Variants in RIOK3 observed in about 807,000 individuals in gnomAD.
The protein encoded by RIOK3 is RIO kinase 3.
A neutral mutation model predicts 63.5 loss-of-function variants in RIOK3; 40 were observed. That is an observed-to-expected ratio of 0.63 (90% CI 0.49 to 0.82). RIOK3 has a LOEUF of 0.82. Among genes scored for constraint, RIOK3 ranks in the 40% least tolerant of loss-of-function variants. RIOK3 has a pLI of 0.00. For synonymous variants in RIOK3, 193 were observed against 205.0 expected (o/e 0.94, Z 0.50); for missense variants, 557 against 637.0 (o/e 0.87, Z 1.35).
At chr18:23,465,587 A>G (rs184210564) in intron 5 of RIOK3, among the ~76,000 whole-genome samples, 135 of 152,112 alleles carry the variant, frequency 8.9e-4, no homozygotes, top group African/African-American at 3.1e-3. Flanking sequence ...GCTGTTCAAT[A>G]TGGTAGCCAC....
Position 23,473,557 on chromosome 18 carries a change from G to C in RIOK3, c.944G>C (p.Arg315Pro). ...AAAGATGATTTCAGGTTTAAAGATC[G>C]CTTCAGTAAACTAAATCCACGTAAG... ...YIKDDFRFKD[R>P]FSKLNPRKII... The change falls in exon 8 of 13, where the codon CGC becomes CCC. Residue 315 changes from arginine (R) to proline (P), a missense_variant. By Grantham distance (103) the Arg-to-Pro change is moderately radical (BLOSUM62 -2). Transcript: ENST00000339486. The C allele has an allele frequency of 1.2e-6, 2 of 1,613,392 alleles. No homozygotes were observed. The highest frequency in any genetic ancestry group is 8.5e-7 in the Non-Finnish European group (1 of 1,179,568).
intron 1 of RIOK3, among the ~76,000 whole-genome samples, chr18:23,457,222 A>G (rs778957955): frequency 6.6e-6 from 1 of 152,196 alleles, no homozygotes; most frequent in Non-Finnish European, 1.5e-5. Flanking sequence ...ATGGACAAAG[A>G]ATTTTAGGGG....
chr18:23,479,562 T>G lies in RIOK3; in HGVS notation c.1452+138T>G. On this transcript the variant is annotated intron_variant, in intron 12 of 12. Transcript: ENST00000339486. ...TTGAGATTTTTCTTTTCTTAAGATG[T>G]TTTTGGTTTTTTCTTTTTTTCTTTT... is the stretch of plus-strand genomic sequence containing the variant. The G allele has an allele frequency of 1.0e-5, 6 of 577,230 alleles. No homozygotes were observed. The East Asian group carries it at 1.7e-4, about 17-fold the overall frequency. The allele number at this position is 577,230 out of a possible 1,614,324, so 35.8% of individuals were successfully genotyped here.
chr18:23,460,722 A>G (rs1037363059), intron 1 of RIOK3, among the ~76,000 whole-genome samples: 4 of 152,212 alleles, frequency 2.6e-5, no homozygotes, highest in Admixed American at 2.0e-4. Context: ...TTTCTAGGCT[A>G]AACAGCATTG....
chr18:23,464,741 G>A (rs1157364729), intron 5 of RIOK3, 113 bp downstream of exon 5: 7 of 527,496 alleles, frequency 1.3e-5, no homozygotes, highest in Non-Finnish European at 1.9e-5. Context: ...TCTTTCTAAA[G>A]ATGTTTTTAG....
rs563774901 is a variant in RIOK3, at chr18:23,458,280, G to A, written c.64-4684G>A. Among the ~76,000 whole-genome samples the A allele has an allele frequency of 3.3e-5, 5 of 152,092 alleles. No homozygotes were observed. In the East Asian group the frequency reaches 9.7e-4, roughly 29 times the overall value. ...CTTTAAAAAAAATGATACAAGCAGCGAAGGTCATATCTTTAGGAAGTGGAA... is the reference window on the plus strand; with the variant it reads ...CTTTAAAAAAAATGATACAAGCAGCAAAGGTCATATCTTTAGGAAGTGGAA... On this transcript the variant is annotated intron_variant, in intron 1 of 12. Coordinates refer to ENST00000339486, the MANE Select transcript of RIOK3 (RefSeq NM_003831.5).
chr18:23,481,329 C>G lies in RIOK3; in HGVS notation c.*50C>G, dbSNP rs2057533087. 1 of 1,157,360 alleles carries G rather than the reference C, an allele frequency of 8.6e-7. No homozygotes were observed. The highest frequency in any genetic ancestry group is 1.6e-5 in the African/African-American group (1 of 62,672). 71.7% of individuals were successfully genotyped at this position (1,157,360 alleles called of 1,614,324 possible). A position where few individuals can be genotyped will look rare whatever the true frequency, so the allele number is the denominator to read the frequency against. On this transcript the variant is annotated 3_prime_UTR_variant, in exon 13 of 13. Coordinates refer to ENST00000339486, the MANE Select transcript of RIOK3 (RefSeq NM_003831.5). Reference sequence around the variant, plus strand: ...TAACACAGCAGTGATTGTCAGCTGCCAATAGCAAATGAAGTTATGGGTGAC... The same window carrying G: ...TAACACAGCAGTGATTGTCAGCTGCGAATAGCAAATGAAGTTATGGGTGAC...
chr18:23,462,711 C>CCCCTCAGCTTT, intron 1 of RIOK3, among the ~76,000 whole-genome samples: 1 of 152,316 alleles, frequency 6.6e-6, no homozygotes, highest in Non-Finnish European at 1.5e-5. Context: ...CCTGATGCTT[C>CCCCTCAGCTTT]CCCTCAGCTT....
intron 6 of RIOK3, among the ~76,000 whole-genome samples, 155 bp downstream of exon 6, chr18:23,466,431 G>A (rs561755409): frequency 5.3e-5 from 8 of 152,046 alleles, no homozygotes; most frequent in East Asian, 1.9e-4. Context: ...TGTGGTGCCC[G>A]CCTGTAATCC....
Position 23,481,747 on chromosome 18 carries a change from CTG to C in RIOK3, c.*471_*472del. The stretch of plus-strand genomic sequence containing the variant: ...AGCCTTTCTCAATTATGTTTCCAGA[CTG>C]TGGCCGTGATTCTAAAGGAAAATGT... On this transcript the variant is annotated 3_prime_UTR_variant, in exon 13 of 13. Transcript: ENST00000339486. 6.6e-6 allele frequency: 1 copy of C among 152,576 alleles called. No homozygotes were observed. Among genetic ancestry groups the C allele is most frequent in the South Asian group, 2.1e-4 (1 of 4,832 alleles). The allele number at this position is 152,576 out of a possible 1,614,324, so 9.5% of individuals were successfully genotyped here.
intron 5 of RIOK3, 34 bp downstream of exon 5, chr18:23,464,662 G>A (rs751457911): frequency 2.3e-5 from 31 of 1,332,824 alleles, no homozygotes; most frequent in Non-Finnish European, 3.1e-5. Flanking sequence ...TCTGAATTTA[G>A]AGTTTTGTTT....
chr18:23,456,812 C>T (rs914506296), intron 1 of RIOK3, among the ~76,000 whole-genome samples: 2 of 152,024 alleles, frequency 1.3e-5, no homozygotes, highest in African/African-American at 4.8e-5. Flanking sequence ...TTTCATTCAA[C>T]CTGTTGTAAG....
rs972594738 is a variant in RIOK3, at chr18:23,467,315, A to G, written c.688-84A>G. 5 of 680,428 alleles carry G rather than the reference A, an allele frequency of 7.3e-6. No individual in the cohort carries two copies. The African/African-American group carries it at 7.9e-5, about 11-fold the overall frequency. 42.1% of individuals were successfully genotyped at this position (680,428 alleles called of 1,614,324 possible). On this transcript the variant is annotated intron_variant, in intron 6 of 12. Coordinates refer to ENST00000339486, the MANE Select transcript of RIOK3 (RefSeq NM_003831.5). The stretch of plus-strand genomic sequence containing the variant: ...GGTGACAAGAGCAAGACTCCGTCTC[A>G]AAAAAAAAAAGTTATTAGAAGTGGC...
At position 23,464,253 on chromosome 18, in the gene RIOK3, A is replaced by G. The variant is rs764111393; in HGVS notation, c.373A>G (p.Ser125Gly). 2.8e-5 allele frequency: 45 copies of G among 1,614,186 alleles called. No individual in the cohort carries two copies. Among genetic ancestry groups the G allele is most frequent in the Non-Finnish European group, 3.6e-5 (43 of 1,180,010 alleles). Residue 125 changes from serine (S) to glycine (G), a missense_variant, in exon 4 of 13, where the codon AGC becomes GGC. By Grantham distance (56) the Ser-to-Gly change is moderately conservative. Transcript: ENST00000339486. ...NYRKVHPYED[S>G]DSSEDEVDWQ... ...TCGAAAAGTGCATCCTTATGAAGAC[A>G]GCGATAGCTCTGAAGATGAGGTTGA...
Position 23,475,507 on chromosome 18 carries a change from T to C in RIOK3, c.1173+400T>C, listed in dbSNP as rs144659474. Among the ~76,000 whole-genome samples the C allele has an allele frequency of 9.9e-3, 1,483 of 149,894 alleles. 18 individuals are homozygous for C. Among genetic ancestry groups the C allele is most frequent in the African/African-American group, 0.035 (1,418 of 40,458 alleles). ...TAAAAATTAGCTGGGCACACACCTG[T>C]AGTCCCAGCTACTCGGGAGTCTAAG... On this transcript the variant is annotated intron_variant, in intron 9 of 12. Coordinates refer to ENST00000339486, the MANE Select transcript of RIOK3 (RefSeq NM_003831.5).
chr18:23,475,183 AAAG>A (rs2057481485), intron 9 of RIOK3, 76 bp downstream of exon 9: 1 of 1,279,844 alleles, frequency 7.8e-7, no homozygotes. Context: ...AAATTTCCTT[AAAG>A]AAGCCAGGCA....
In RIOK3 at chr18:23,453,415, T is replaced by G; in HGVS notation, c.-25T>G. The G allele has an allele frequency of 6.2e-7, 1 of 1,604,172 alleles. No homozygotes were observed. The highest frequency in any genetic ancestry group is 8.5e-7 in the Non-Finnish European group (1 of 1,171,288). On this transcript the variant is annotated 5_prime_UTR_variant, in exon 1 of 13. Transcript: ENST00000339486. ...CCCGTCCTGCCACCTCTCTGCTCTG[T>G]TCTTGTCTCTGCCTTCATTCCCGAA... is the stretch of plus-strand genomic sequence containing the variant.
chr18:23,459,249 G>A (rs2057359299), intron 1 of RIOK3, among the ~76,000 whole-genome samples: 1 of 152,222 alleles, frequency 6.6e-6, no homozygotes, highest in South Asian at 2.1e-4. Context: ...GAAGCGGGCA[G>A]GCAAAAGGGC....
In RIOK3 at chr18:23,475,081, A is replaced by G; in HGVS notation, c.1147A>G (p.Lys383Glu). 6.2e-7 allele frequency: 1 copy of G among 1,612,770 alleles called. No homozygotes were observed. The highest frequency in any genetic ancestry group is 1.1e-5 in the South Asian group (1 of 90,938). Residue 383 changes from lysine to glutamate, a missense_variant, in exon 9 of 13, where the codon AAA becomes GAA. By Grantham distance (56) the Lys-to-Glu change is moderately conservative. Coordinates refer to ENST00000339486, the MANE Select transcript of RIOK3 (RefSeq NM_003831.5). ...KEVKLNSEEM[K>E]EAYYQTLHLM... ...AGTAAAGCTCAATAGTGAAGAAATG[A>G]AAGAAGCCTACTATCAAACTCTTCA...
Sources: allele counts gnomAD v4.1 joint callset (sites outside exome capture counted in the v4.1 genomes callset), GRCh38; gene constraint gnomAD v4.1.1; transcripts MANE v1.5; gene names NCBI Gene and HGNC (gene_info 2026-07-23, HGNC 2026-07-21).